RARB: variants seen among roughly 807,000 people sequenced by gnomAD.
The protein encoded by RARB is HBV-activated protein.
In RARB, 17 loss-of-function variants were observed where a neutral mutation model predicts 51.9. The ratio of observed to expected loss-of-function variants is 0.33; its 90% CI spans 0.22 to 0.49. RARB has a LOEUF of 0.49. Among genes scored for constraint, RARB ranks in the 20% least tolerant of loss-of-function variants. RARB has a pLI of 0.99. For missense variants in RARB, 369 were observed against 550.8 expected (o/e 0.67, Z 3.30); for synonymous variants, 215 against 195.4 (o/e 1.10, Z -0.84).
At chr3:24,899,097 C>T (rs1336838718) in intron 2 of RARB, among the ~76,000 whole-genome samples, 1 of 152,158 alleles carries the variant, frequency 6.6e-6, no homozygotes, top group Non-Finnish European at 1.5e-5. Flanking sequence ...TGCCCCTGAC[C>T]TTCCATTGGG....
At chr3:24,979,690 T>G (rs1239974881) in intron 2 of RARB, among the ~76,000 whole-genome samples, 1 of 152,128 alleles carries the variant, frequency 6.6e-6, no homozygotes, top group Non-Finnish European at 1.5e-5. Context: ...ATGGGTATCC[T>G]GAATACAGCA....
chr3:25,048,598 G>A (rs951076939), intron 2 of RARB, among the ~76,000 whole-genome samples: 1 of 152,040 alleles, frequency 6.6e-6, no homozygotes, highest in African/African-American at 2.4e-5. Flanking sequence ...ATTACTTTTT[G>A]TGATGGCAGA....
chr3:25,052,127 T>A (rs1698345217), intron 2 of RARB, among the ~76,000 whole-genome samples: 1 of 152,198 alleles, frequency 6.6e-6, no homozygotes, highest in African/African-American at 2.4e-5. Flanking sequence ...CCAAAGCTAA[T>A]TGGCCTACAC....
At chr3:25,581,629 A>G (rs984701203) in intron 5 of RARB, among the ~76,000 whole-genome samples, 1 of 152,138 alleles carries the variant, frequency 6.6e-6, no homozygotes, top group African/African-American at 2.4e-5. Context: ...CCCAAAATGT[A>G]TATGTTGAAG....
At chr3:25,064,766 C>T (rs1488947322) in intron 3 of RARB, among the ~76,000 whole-genome samples, 1 of 152,060 alleles carries the variant, frequency 6.6e-6, no homozygotes, top group African/African-American at 2.4e-5. Context: ...GACTCAGAGC[C>T]CCACAATTTG....
intron 2 of RARB, among the ~76,000 whole-genome samples, chr3:24,905,289 A>G (rs1335422907): frequency 6.6e-6 from 1 of 152,192 alleles, no homozygotes; most frequent in Admixed American, 6.5e-5. Flanking sequence ...TGACAGTAAT[A>G]AAAATGAGTT....
intron 2 of RARB, among the ~76,000 whole-genome samples, chr3:24,998,960 C>A (rs1039437783): frequency 2.0e-5 from 3 of 152,140 alleles, no homozygotes; most frequent in African/African-American, 7.2e-5. Context: ...AAAGTATTAT[C>A]CTTACCCTAA....
intron 3 of RARB, among the ~76,000 whole-genome samples, chr3:25,557,942 G>T (rs988403802): frequency 6.6e-6 from 1 of 152,052 alleles, no homozygotes; most frequent in African/African-American, 2.4e-5. Context: ...AAAGCACTCG[G>T]TTCTCCCAGC....
chr3:25,059,522 G>C (rs1393015427), intron 2 of RARB, among the ~76,000 whole-genome samples: 2 of 151,652 alleles, frequency 1.3e-5, no homozygotes, highest in Non-Finnish European at 2.9e-5. Context: ...ACCATGTTCT[G>C]TACTTTGTAT....
chr3:25,243,904 C>A (rs1702491085), intron 5 of RARB, among the ~76,000 whole-genome samples: 1 of 152,084 alleles, frequency 6.6e-6, no homozygotes, highest in Admixed American at 6.5e-5. Context: ...CCTCTTTGTA[C>A]CTCTGGTAGA....
intron 5 of RARB, among the ~76,000 whole-genome samples, chr3:25,334,392 A>G (rs1360722666): frequency 2.6e-5 from 4 of 152,212 alleles, no homozygotes; most frequent in Admixed American, 2.6e-4. Context: ...ACATGGATGA[A>G]GTAGGAAACC....
At chr3:25,259,955 A>G in intron 5 of RARB, 2 of 985,330 alleles carry the variant, frequency 2.0e-6, no homozygotes, top group Non-Finnish European at 2.4e-6. Context: ...GGAGGGGGGC[A>G]GTCAGTGTGG....
At chr3:25,115,989 C>A (rs1336292097) in intron 3 of RARB, among the ~76,000 whole-genome samples, 3 of 152,090 alleles carry the variant, frequency 2.0e-5, no homozygotes, top group African/African-American at 7.2e-5. Flanking sequence ...CCTGAGAATT[C>A]TCTCCCACAG....
chr3:25,016,639 A>G (rs575744216), intron 2 of RARB, among the ~76,000 whole-genome samples: 1 of 152,304 alleles, frequency 6.6e-6, no homozygotes, highest in East Asian at 1.9e-4. Context: ...CCAGAAATAT[A>G]ACTTTATCTG....
chr3:25,220,008 A>T (rs1166373590), intron 5 of RARB, among the ~76,000 whole-genome samples: 1 of 152,242 alleles, frequency 6.6e-6, no homozygotes, highest in Non-Finnish European at 1.5e-5. Flanking sequence ...TTTGTTCTAA[A>T]GACAGTTATT....
Position 25,304,019 on chromosome 3 carries a change from G to A in RARB, c.178+129444G>A, listed in dbSNP as rs543371363. ...AGCTCCAGAAAAAATGGAAAACATG[G>A]TAGATCCTCCTAGACCCATCTTGAC... On this transcript the variant is annotated intron_variant, in intron 5 of 11. Coordinates refer to the RARB transcript ENST00000383772. 1.5e-3 allele frequency among the ~76,000 whole-genome samples: 226 copies of A among 152,224 alleles called. 1 individual carries two copies. Among genetic ancestry groups the A allele is most frequent in the South Asian group, 5.4e-3 (26 of 4,816 alleles).
chr3:25,494,253 G>GCACACACACACACACACA lies in RARB; in HGVS notation c.307-6920_307-6903dup, dbSNP rs57081618. Among the ~76,000 whole-genome samples the GCACACACACACACACACA allele has an allele frequency of 8.4e-3, 1,110 of 131,910 alleles. 10 individuals are homozygous for GCACACACACACACACACA. The highest frequency in any genetic ancestry group is 0.012 in the Non-Finnish European group (661 of 56,762). 86.5% of individuals were successfully genotyped at this position (131,910 alleles called of 152,430 possible). A position where few individuals can be genotyped will look rare whatever the true frequency, so the allele number is the denominator to read the frequency against. ...GCCCCCTTTTCCAGCTGTATCTTACGCACACACACACACACACACACACAC... is the reference window on the plus strand; with the variant it reads ...GCCCCCTTTTCCAGCTGTATCTTACGCACACACACACACACACACACACACACACACACACACACACAC... On this transcript the variant is annotated intron_variant, in intron 2 of 7. Transcript: ENST00000330688.
chr3:25,588,855 C>T (rs1476927796), intron 5 of RARB, among the ~76,000 whole-genome samples: 1 of 152,144 alleles, frequency 6.6e-6, no homozygotes, highest in African/African-American at 2.4e-5. Context: ...GCAAGAGATT[C>T]AAGAGACAGC....
intron 2 of RARB, among the ~76,000 whole-genome samples, chr3:24,920,117 T>A (rs905939709): frequency 1.3e-5 from 2 of 152,214 alleles, no homozygotes; most frequent in Admixed American, 6.5e-5. Context: ...ACATTAACAA[T>A]GTGAGCTAGC....
Sources: gnomAD v4.1 joint callset for allele counts (sites outside exome capture counted in the v4.1 genomes callset) on GRCh38, gnomAD v4.1.1 for gene constraint, MANE v1.5 for transcripts, NCBI Gene and HGNC (gene_info 2026-07-23, HGNC 2026-07-21) for gene names.